The following MAPRE1 variants were observed in gnomAD, a reference collection of about 807,000 sequenced individuals.
MAPRE1 encodes the protein microtubule-associated protein RP/EB family member 1.
In MAPRE1, 5 loss-of-function variants were observed where a neutral mutation model predicts 32.1. The ratio of observed to expected loss-of-function variants is 0.16; its 90% CI spans 0.08 to 0.33. The LOEUF is 0.33. MAPRE1 is among the 10% of genes least tolerant of loss of function. The probability of loss-of-function intolerance (pLI) is 1.00; values close to 1 mark genes in which losing one functional copy is unlikely to be tolerated. For synonymous variants in MAPRE1, 122 were observed against 118.9 expected (o/e 1.03, Z -0.17); for missense variants, 209 against 327.2 (o/e 0.64, Z 2.79).
At position 32,821,081 on chromosome 20, in the gene MAPRE1, C is replaced by T. The variant is rs191130144; in HGVS notation, c.-4+1053C>T. On this transcript the variant is annotated intron_variant, in intron 1 of 6. Coordinates refer to ENST00000375571, the MANE Select transcript of MAPRE1 (RefSeq NM_012325.3). ...TCTGTTGCCCAGGCGTGCAGTGGCA[C>T]CATCGCTCACTGCAACCTCCGCCTC... is the stretch of plus-strand genomic sequence containing the variant. 7.9e-3 allele frequency among the ~76,000 whole-genome samples: 1,187 copies of T among 151,046 alleles called. 11 individuals are homozygous for T. The highest frequency in any genetic ancestry group is 0.011 in the Non-Finnish European group (720 of 67,806).
chr20:32,829,145 C>T (rs111488117), intron 2 of MAPRE1, among the ~76,000 whole-genome samples: 2 of 152,106 alleles, frequency 1.3e-5, no homozygotes, highest in African/African-American at 4.8e-5. Context: ...AACTCCTGAC[C>T]TTGTGATCCG....
chr20:32,848,333 T>G (rs1312978660), intron 6 of MAPRE1, among the ~76,000 whole-genome samples: 3 of 152,160 alleles, frequency 2.0e-5, no homozygotes, highest in Non-Finnish European at 4.4e-5. Flanking sequence ...ACACCTGGCC[T>G]TCTTTCTTCT....
chr20:32,827,547 A>G (rs1469163528), intron 2 of MAPRE1, among the ~76,000 whole-genome samples: 2 of 152,192 alleles, frequency 1.3e-5, no homozygotes, highest in Non-Finnish European at 2.9e-5. Context: ...CAAGCCGGCT[A>G]CTGTTCACTC....
chr20:32,844,693 T>G (rs1257423423), intron 5 of MAPRE1, among the ~76,000 whole-genome samples: 1 of 152,164 alleles, frequency 6.6e-6, no homozygotes, highest in African/African-American at 2.4e-5. Flanking sequence ...ATTACAGGCG[T>G]GAGCCACTGC....
chr20:32,828,945 T>G (rs991916508), intron 2 of MAPRE1, among the ~76,000 whole-genome samples: 2 of 152,140 alleles, frequency 1.3e-5, no homozygotes, highest in African/African-American at 2.4e-5. Flanking sequence ...AGTTGTTTTT[T>G]TTTTCTTTTT....
chr20:32,821,865 T>A (rs1449164453), intron 1 of MAPRE1, among the ~76,000 whole-genome samples: 2 of 152,174 alleles, frequency 1.3e-5, no homozygotes, highest in Non-Finnish European at 2.9e-5. Flanking sequence ...TTTTTCATGG[T>A]GGTGGTGGAA....
At chr20:32,833,645 G>A (rs1284152758) in intron 2 of MAPRE1, 72 bp from the exon 3 acceptor site, 5 of 1,407,322 alleles carry the variant, frequency 3.6e-6, no homozygotes, top group African/African-American at 1.4e-5. Context: ...ATTGTATTTG[G>A]TTTAAGTGGG....
chr20:32,840,665 T>C (rs1397410928), intron 5 of MAPRE1, among the ~76,000 whole-genome samples: 1 of 151,424 alleles, frequency 6.6e-6, no homozygotes, highest in Non-Finnish European at 1.5e-5. Context: ...TCCAGTGAGT[T>C]TGGGATTGCA....
intron 1 of MAPRE1, among the ~76,000 whole-genome samples, chr20:32,822,296 T>C (rs1405905959): frequency 2.0e-5 from 3 of 152,192 alleles, no homozygotes; most frequent in Non-Finnish European, 4.4e-5. Context: ...GGACCATGTC[T>C]TTTTTGTTTG....
chr20:32,848,503 G>A (rs1983566030), intron 6 of MAPRE1, among the ~76,000 whole-genome samples, 169 bp from the exon 7 acceptor site: 1 of 152,110 alleles, frequency 6.6e-6, no homozygotes, highest in African/African-American at 2.4e-5. Flanking sequence ...CTCAGTTTTT[G>A]TCTTTGGTGA....
At chr20:32,842,461 G>GT (rs1983392193) in intron 5 of MAPRE1, among the ~76,000 whole-genome samples, 1 of 152,184 alleles carries the variant, frequency 6.6e-6, no homozygotes, top group South Asian at 2.1e-4. Flanking sequence ...ACCCTGTGAG[G>GT]TTTTACACAT....
intron 2 of MAPRE1, among the ~76,000 whole-genome samples, 188 bp downstream of exon 2, chr20:32,826,236 T>TTCTTTTTTTTGA (rs1491215602): frequency 9.5e-6 from 1 of 104,936 alleles, no homozygotes; most frequent in African/African-American, 4.0e-5. Context: ...TTTTTTTTTT[T>TTCTTTTTTTTGA]GACAGAGTCT....
intron 4 of MAPRE1, 36 bp downstream of exon 4, chr20:32,836,877 G>A (rs771637397): frequency 5.2e-6 from 8 of 1,552,282 alleles, no homozygotes; most frequent in East Asian, 4.5e-5. Flanking sequence ...CCAAAAAATA[G>A]CGTTCCAGAT....
chr20:32,828,317 C>T (rs1186085650), intron 2 of MAPRE1, among the ~76,000 whole-genome samples: 1 of 152,314 alleles, frequency 6.6e-6, no homozygotes, highest in Admixed American at 6.5e-5. Flanking sequence ...TCCTAGTTTT[C>T]ACTGGAGCCA....
At chr20:32,827,468 G>A (rs1982889165) in intron 2 of MAPRE1, among the ~76,000 whole-genome samples, 1 of 152,114 alleles carries the variant, frequency 6.6e-6, no homozygotes, top group African/African-American at 2.4e-5. Flanking sequence ...CTCTTTCTAT[G>A]TATGCTAATC....
intron 1 of MAPRE1, among the ~76,000 whole-genome samples, chr20:32,825,572 A>G (rs1982822455): frequency 6.6e-6 from 1 of 152,148 alleles, no homozygotes; most frequent in Non-Finnish European, 1.5e-5. Flanking sequence ...AGGTGAGTGG[A>G]TCACCTGAGG....
At chr20:32,834,114 A>T (rs1601165442) in intron 3 of MAPRE1, among the ~76,000 whole-genome samples, 1 of 152,220 alleles carries the variant, frequency 6.6e-6, no homozygotes, top group African/African-American at 2.4e-5. Flanking sequence ...AAATTTGTAC[A>T]GTGATTTTTA....
rs71190879 is a variant in MAPRE1 at position 32,835,364 on chromosome 20, G to GTTTTTTTTTTTTTTTTTTTTTT, written c.268-1254_268-1253insTTTTTTTTTTTTTTTTTTTTTT. On this transcript the variant is annotated intron_variant, in intron 3 of 6. Coordinates refer to ENST00000375571, the MANE Select transcript of MAPRE1 (RefSeq NM_012325.3). ...TTTTTGTGTGTGTGTTTTTATTGGT[G>GTTTTTTTTTTTTTTTTTTTTTT]TTTTTTTTTTTTTTTTGAGATGAGG... Among the ~76,000 whole-genome samples, 18 of 106,624 alleles carry GTTTTTTTTTTTTTTTTTTTTTT rather than the reference G, an allele frequency of 1.7e-4. 5 individuals are homozygous for GTTTTTTTTTTTTTTTTTTTTTT. Among genetic ancestry groups the GTTTTTTTTTTTTTTTTTTTTTT allele is most frequent in the African/African-American group, 8.4e-4 (18 of 21,430 alleles). 69.9% of individuals were successfully genotyped at this position (106,624 alleles called of 152,430 possible).
rs770214521 is a variant in MAPRE1, at chr20:32,825,985, A to T, written c.58A>T (p.Met20Leu). 8 of 1,610,770 alleles carry T rather than the reference A, an allele frequency of 5.0e-6. No homozygotes were observed. Residue 20 changes from methionine (M) to leucine (L), a missense_variant, in exon 2 of 7, where the codon ATG (methionine) becomes TTG (leucine). Around this residue, in one of 3 missense-constraint regions of MAPRE1, gnomAD observed 67 missense variants for 140.0 expected, o/e 0.48. Transcript: ENST00000375571. ...VTSDNLSRHD[M>L]LAWINESLQL... ...CAGTGATAACCTAAGTCGACATGACATGCTGGCCTGGATCAATGAGTCTCT... is the reference window on the plus strand; with the variant it reads ...CAGTGATAACCTAAGTCGACATGACTTGCTGGCCTGGATCAATGAGTCTCT...
Sources: allele counts gnomAD v4.1 joint callset (sites outside exome capture counted in the v4.1 genomes callset), GRCh38; gene constraint gnomAD v4.1.1; regional missense constraint gnomAD v4.1.1; transcripts MANE v1.5; gene names NCBI Gene and HGNC (gene_info 2026-07-23, HGNC 2026-07-21).